FAM186A: variants seen among roughly 807,000 people sequenced by gnomAD.
FAM186A encodes protein FAM186A.
FAM186A carries 163 observed loss-of-function variants against 216.8 expected under a neutral mutation model. The observed-to-expected ratio is 0.75, with a 90% CI of 0.66 to 0.86. The LOEUF is 0.86. FAM186A is among the 40% of genes least tolerant of loss of function. FAM186A has a pLI of 0.00. For missense variants in FAM186A, 2,184 were observed against 2,746.2 expected (o/e 0.80, Z 4.58); for synonymous variants, 805 against 1,025.3 (o/e 0.79, Z 4.10).
intron 1 of FAM186A, among the ~76,000 whole-genome samples, chr12:50,395,883 T>C (rs532776664): frequency 6.6e-6 from 1 of 152,210 alleles, no homozygotes; most frequent in South Asian, 2.1e-4. Context: ...TACCTCAGCC[T>C]CCTGAGTAGC....
intron 1 of FAM186A, among the ~76,000 whole-genome samples, chr12:50,380,178 A>G (rs1433618443): frequency 1.3e-5 from 2 of 152,224 alleles, no homozygotes; most frequent in Non-Finnish European, 2.9e-5. Context: ...AATGAATAAC[A>G]TAACTTCACT....
chr12:50,394,853 C>T (rs1246873553), intron 1 of FAM186A, among the ~76,000 whole-genome samples: 1 of 148,980 alleles, frequency 6.7e-6, no homozygotes, highest in Admixed American at 6.8e-5. Flanking sequence ...GGGACCTTCC[C>T]GAGTAGCTGG....
intron 1 of FAM186A, among the ~76,000 whole-genome samples, chr12:50,378,227 A>G (rs1166145845): frequency 1.3e-5 from 2 of 150,072 alleles, no homozygotes; most frequent in African/African-American, 4.9e-5. Flanking sequence ...TCCATCTCAA[A>G]AAAAAAAAAG....
In FAM186A at chr12:50,348,918, TA is replaced by T. The variant is rs567679614; in HGVS notation, c.6503+1410del. Among the ~76,000 whole-genome samples, 154 of 152,206 alleles carry T rather than the reference TA, an allele frequency of 1.0e-3. 1 individual carries two copies. Among genetic ancestry groups the T allele is most frequent in the African/African-American group, 3.6e-3 (149 of 41,532 alleles). On this transcript the variant is annotated intron_variant, in intron 4 of 7. Transcript: ENST00000327337. ...TTTGTGGGTACATAGTAGGTATATA[TA>T]TTTTGGGGGTACAGGAGATGTTTTG...
chr12:50,383,595 CAAAAAAGAA>C (rs1400017986), intron 1 of FAM186A, among the ~76,000 whole-genome samples: 1 of 151,438 alleles, frequency 6.6e-6, no homozygotes, highest in African/African-American at 2.4e-5. Context: ...GACTTTGTCT[CAAAAAAGAA>C]AAAAAAGAAA....
At position 50,350,717 on chromosome 12, in the gene FAM186A, T is replaced by C. The variant is rs1313849358; in HGVS notation, c.6115A>G (p.Thr2039Ala). The stretch of plus-strand genomic sequence containing the variant: ...GGTGATGTTGTTGGCTTCATGAGAG[T>C]GAGAAGGGCCCTTTCATCAGTGTAA... ...TPYTDERALL[T>A]LMKPTTSPSS... The change falls in exon 4 of 8, where the codon ACT becomes GCT. Residue 2039 changes from threonine (T) to alanine (A), a missense_variant. Transcript: ENST00000327337. 2 of 1,551,370 alleles carry C rather than the reference T, an allele frequency of 1.3e-6. No homozygotes were observed. The highest frequency in any genetic ancestry group is 3.9e-5 in the Admixed American group (2 of 50,948).
intron 7 of FAM186A, among the ~76,000 whole-genome samples, chr12:50,329,752 A>G (rs183188170): frequency 1.3e-5 from 2 of 152,174 alleles, no homozygotes; most frequent in Non-Finnish European, 2.9e-5. Flanking sequence ...GTACACCATC[A>G]TGCCCAGCTA....
At chr12:50,331,872 C>T in intron 5 of FAM186A, 51 bp from the exon 6 acceptor site, 1 of 1,451,812 alleles carries the variant, frequency 6.9e-7, no homozygotes, top group South Asian at 1.4e-5. Context: ...GAGACAGAAT[C>T]TTTAGAAGGG....
intron 1 of FAM186A, among the ~76,000 whole-genome samples, chr12:50,380,951 A>G (rs1448257234): frequency 6.8e-6 from 1 of 147,396 alleles, no homozygotes; most frequent in Non-Finnish European, 1.5e-5. Context: ...CAGGCATGCC[A>G]CCTGTGGCAG....
intron 4 of FAM186A, among the ~76,000 whole-genome samples, chr12:50,343,768 G>T (rs190008172): frequency 1.3e-5 from 2 of 152,096 alleles, no homozygotes; most frequent in Non-Finnish European, 2.9e-5. Flanking sequence ...ACAGGCGCCC[G>T]CCACCATGCC....
At chr12:50,383,278 A>AAAAAGAGAGAG (rs1555218962) in intron 1 of FAM186A, among the ~76,000 whole-genome samples, 2 of 49,168 alleles carry the variant, frequency 4.1e-5, no homozygotes, top group African/African-American at 5.3e-5. Context: ...AAAAAAAAAA[A>AAAAAGAGAGAG]AGAGAGAGAG....
intron 1 of FAM186A, among the ~76,000 whole-genome samples, chr12:50,368,504 G>T (rs1209293395): frequency 6.6e-6 from 1 of 151,952 alleles, no homozygotes; most frequent in Non-Finnish European, 1.5e-5. Flanking sequence ...GTTACTGAGA[G>T]AAATTAAAGA....
intron 2 of FAM186A, 112 bp downstream of exon 2, chr12:50,363,030 ACCT>A: frequency 1.2e-6 from 1 of 857,382 alleles, no homozygotes; most frequent in East Asian, 2.7e-5. Flanking sequence ...TCTCTGAATA[ACCT>A]CCTTAGTCTT....
intron 4 of FAM186A, among the ~76,000 whole-genome samples, chr12:50,337,348 G>T (rs2138761580): frequency 7.4e-6 from 1 of 134,708 alleles, no homozygotes; most frequent in South Asian, 2.4e-4. Flanking sequence ...AGGTTGGAGT[G>T]CAGTGGCGCG....
intron 1 of FAM186A, among the ~76,000 whole-genome samples, chr12:50,394,080 G>A (rs1285119388): frequency 2.0e-5 from 3 of 150,992 alleles, no homozygotes; most frequent in Admixed American, 6.6e-5. Flanking sequence ...CACCACACCC[G>A]GCTAATTTTT....
chr12:50,375,652 G>A (rs1266685654), intron 1 of FAM186A, among the ~76,000 whole-genome samples: 1 of 148,300 alleles, frequency 6.7e-6, no homozygotes, highest in Non-Finnish European at 1.5e-5. Context: ...GGGAGGCAGA[G>A]ATTGCAGTGA....
At position 50,353,958 on chromosome 12, in the gene FAM186A, T is replaced by C. The variant is rs539092969; in HGVS notation, c.2874A>G (p.Pro958=). 15 of 1,553,588 alleles carry C rather than the reference T, an allele frequency of 9.7e-6. No individual in the cohort carries two copies. In the African/African-American group the frequency reaches 1.5e-4, roughly 16 times the overall value. Residue 958 remains proline (P), a synonymous_variant, in exon 4 of 8, where the codon CCA becomes CCG. Coordinates refer to ENST00000327337, the MANE Select transcript of FAM186A (RefSeq NM_001145475.3). ...QIQKEAKHLG[P]HRRREKGKEK... ...CCTTCCCTTTCTCCCTTCTCCTGTG[T>C]GGCCCCAAATGTTTCGCTTCCTTCT...
intron 1 of FAM186A, among the ~76,000 whole-genome samples, chr12:50,373,984 A>G (rs900967781): frequency 1.2e-4 from 19 of 152,106 alleles, no homozygotes; most frequent in African/African-American, 4.6e-4. Context: ...AAAAATGATG[A>G]GTTCATGTCC....
Position 50,355,995 on chromosome 12 carries a change from T to C in FAM186A, c.837A>G (p.Leu279=). ...STALSMLNDE[L]KCVNFQSSTV... ...TGGAACTTTGGAAGTTAACACATTT[T>C]AATTCATCATTTAGCATACTCAAAG... The change falls in exon 4 of 8, where the codon TTA becomes TTG. Residue 279 remains leucine (L), a synonymous_variant. Transcript: ENST00000327337. The C allele has an allele frequency of 6.4e-7, 1 of 1,551,670 alleles. No individual in the cohort carries two copies. Among genetic ancestry groups the C allele is most frequent in the Non-Finnish European group, 8.7e-7 (1 of 1,146,990 alleles).
Sources: gnomAD v4.1 joint callset for allele counts (sites outside exome capture counted in the v4.1 genomes callset) on GRCh38, gnomAD v4.1.1 for gene constraint, MANE v1.5 for transcripts, NCBI Gene and HGNC (gene_info 2026-07-23, HGNC 2026-07-21) for gene names.